Variants in UBE2E3 observed in about 807,000 individuals in gnomAD.
UBE2E3 encodes the protein ubiquitin-conjugating enzyme E2 E3.
Under a neutral mutation model 23.6 loss-of-function variants are expected in UBE2E3, and 5 were observed. The observed-to-expected ratio is 0.21, with a 90% CI of 0.11 to 0.44. The LOEUF is 0.44. UBE2E3 is among the 20% of genes least tolerant of loss of function. The pLI, the probability that UBE2E3 is intolerant of heterozygous loss-of-function variation, is 0.99. For synonymous variants in UBE2E3, 78 were observed against 87.5 expected (o/e 0.89, Z 0.60); for missense variants, 81 against 249.8 (o/e 0.32, Z 4.55).
At chr2:180,990,024 T>G in intron 3 of UBE2E3, 1 of 1,492,382 alleles carries the variant, frequency 6.7e-7, no homozygotes, top group Non-Finnish European at 9.0e-7. Flanking sequence ...GAAAGTGATT[T>G]TTTTTTCCAC....
intron 1 of UBE2E3, 131 bp downstream of exon 1, chr2:180,981,104 G>T (rs1177079600): frequency 6.8e-6 from 1 of 146,572 alleles, no homozygotes; most frequent in Non-Finnish European, 1.5e-5. Flanking sequence ...GCCGCGGCGG[G>T]GCCGGCTGGG....
chr2:181,005,100 A>G (rs56370920), intron 3 of UBE2E3, among the ~76,000 whole-genome samples: 2,787 of 152,312 alleles, frequency 0.018, 70 homozygotes, highest in African/African-American at 0.064. Flanking sequence ...AGCTTAAGTA[A>G]AACATAAATT....
intron 3 of UBE2E3, among the ~76,000 whole-genome samples, chr2:181,004,374 C>T (rs896955185): frequency 1.6e-4 from 25 of 152,120 alleles, no homozygotes; most frequent in African/African-American, 5.8e-4. Context: ...GTGGCTCGCA[C>T]CTGTAATCCC....
At chr2:180,994,035 A>G (rs549898843) in intron 3 of UBE2E3, among the ~76,000 whole-genome samples, 10 of 152,294 alleles carry the variant, frequency 6.6e-5, no homozygotes, top group Non-Finnish European at 1.2e-4. Context: ...GAGACATGTA[A>G]TTTATATGGA....
intron 2 of UBE2E3, among the ~76,000 whole-genome samples, chr2:180,982,881 G>A (rs1188650675): frequency 6.6e-6 from 1 of 152,142 alleles, no homozygotes; most frequent in Admixed American, 6.5e-5. Context: ...TAGAAAACTT[G>A]CATTGTCCTT....
intron 3 of UBE2E3, among the ~76,000 whole-genome samples, chr2:180,995,351 A>C (rs1470644135): frequency 6.6e-6 from 1 of 152,204 alleles, no homozygotes; most frequent in Non-Finnish European, 1.5e-5. Flanking sequence ...CAAGCTTACA[A>C]TATTGATAAA....
chr2:181,014,766 TATG>T (rs1279051474), intron 3 of UBE2E3, among the ~76,000 whole-genome samples: 1 of 152,248 alleles, frequency 6.6e-6, no homozygotes, highest in African/African-American at 2.4e-5. Context: ...ACATGTGATA[TATG>T]ATACCTTTAT....
chr2:181,004,921 A>G (rs901792338), intron 3 of UBE2E3, among the ~76,000 whole-genome samples: 4 of 152,242 alleles, frequency 2.6e-5, no homozygotes, highest in Non-Finnish European at 5.9e-5. Flanking sequence ...CGAAGAAAAT[A>G]TTTTGGAAGG....
chr2:180,989,981 CATA>C (rs767434490), intron 3 of UBE2E3: 28 of 1,534,756 alleles, frequency 1.8e-5, no homozygotes, highest in Non-Finnish European at 2.3e-5. Flanking sequence ...GAGATAAAAA[CATA>C]ATAAAATCAC....
chr2:181,002,223 G>C (rs1685012594), intron 3 of UBE2E3, among the ~76,000 whole-genome samples: 1 of 152,144 alleles, frequency 6.6e-6, no homozygotes, highest in African/African-American at 2.4e-5. Context: ...CATATCACTT[G>C]TTGGCTGCAT....
chr2:181,013,820 G>C lies in UBE2E3; in HGVS notation c.245+29727G>C, dbSNP rs115220444. On this transcript the variant is annotated intron_variant, in intron 3 of 5. Transcript: ENST00000410062. Reference sequence around the variant, plus strand: ...AGAAAGTTCCACCCAAATTCAAAGGGAGCAGAAATAGACCATGCCTCTTCA... The same window carrying C: ...AGAAAGTTCCACCCAAATTCAAAGGCAGCAGAAATAGACCATGCCTCTTCA... Among the ~76,000 whole-genome samples the C allele has an allele frequency of 1.9e-3, 289 of 152,258 alleles. 1 individual carries two copies. Among genetic ancestry groups the C allele is most frequent in the African/African-American group, 6.6e-3 (275 of 41,556 alleles).
intron 3 of UBE2E3, among the ~76,000 whole-genome samples, chr2:181,043,240 A>G (rs1220308689): frequency 6.6e-6 from 1 of 152,172 alleles, no homozygotes; most frequent in Non-Finnish European, 1.5e-5. Flanking sequence ...CTATTTTTTT[A>G]CTAAATACTT....
In UBE2E3 at chr2:180,981,271, ATTTG is replaced by A. The variant is rs1181366845; in HGVS notation, c.-26+306_-26+309del. On this transcript the variant is annotated intron_variant, in intron 1 of 5. Transcript: ENST00000410062. ...TGTTGCACTTCTTGGGGCTTTGTTT[ATTTG>A]TTTGTTTTTTCTCTGGGTTTCTTAT... 6.6e-5 allele frequency: 10 copies of A among 151,550 alleles called. No individual in the cohort carries two copies. In the East Asian group the frequency reaches 1.7e-3, roughly 26 times the overall value. The allele number at this position is 151,550 out of a possible 1,614,324, so 9.4% of individuals were successfully genotyped here. A position where few individuals can be genotyped will look rare whatever the true frequency, so the allele number is the denominator to read the frequency against.
rs542028000 is a variant in UBE2E3 at position 181,062,399 on chromosome 2, G to A, written c.527-392G>A. Among the ~76,000 whole-genome samples the A allele has an allele frequency of 3.3e-5, 5 of 151,716 alleles. No individual in the cohort carries two copies. The South Asian group carries it at 1.0e-3, about 32-fold the overall frequency. Reference sequence around the variant, plus strand: ...GAAGCATTTTATTTGAAATAGCATGGTATTGTAAGACTGGGGTTTTATTTT... The same window carrying A: ...GAAGCATTTTATTTGAAATAGCATGATATTGTAAGACTGGGGTTTTATTTT... On this transcript the variant is annotated intron_variant, in intron 5 of 5. Transcript: ENST00000410062.
intron 3 of UBE2E3, among the ~76,000 whole-genome samples, chr2:181,008,766 T>G (rs1019024239): frequency 1.3e-5 from 2 of 152,330 alleles, no homozygotes; most frequent in African/African-American, 4.8e-5. Context: ...CTAAGTCAGG[T>G]ATGTATCCCA....
chr2:181,018,550 G>T (rs1250201287), intron 3 of UBE2E3, among the ~76,000 whole-genome samples: 1 of 149,368 alleles, frequency 6.7e-6, no homozygotes, highest in Non-Finnish European at 1.5e-5. Flanking sequence ...TAGTAAAACT[G>T]TGCCCTTTTT....
intron 3 of UBE2E3, chr2:180,990,076 G>A (rs551865830): frequency 2.6e-6 from 3 of 1,176,266 alleles, no homozygotes; most frequent in African/African-American, 3.0e-5. Context: ...CATTTTAATT[G>A]GAATCTGGAA....
intron 3 of UBE2E3, among the ~76,000 whole-genome samples, chr2:180,984,728 G>A (rs1350205092): frequency 6.6e-6 from 1 of 152,048 alleles, no homozygotes; most frequent in Non-Finnish European, 1.5e-5. Context: ...TGGAATTGTG[G>A]GAATTCATTT....
At chr2:181,013,282 C>A (rs992228368) in intron 3 of UBE2E3, among the ~76,000 whole-genome samples, 7 of 152,170 alleles carry the variant, frequency 4.6e-5, no homozygotes, top group Non-Finnish European at 8.8e-5. Flanking sequence ...TTATTTCATA[C>A]TTTCTGTAAG....
Sources: allele counts gnomAD v4.1 joint callset (sites outside exome capture counted in the v4.1 genomes callset), GRCh38; gene constraint gnomAD v4.1.1; transcripts MANE v1.5; gene names NCBI Gene and HGNC (gene_info 2026-07-23, HGNC 2026-07-21).